NEDD4: variants seen among roughly 807,000 people sequenced by gnomAD.
NEDD4 encodes the protein E3 ubiquitin-protein ligase NEDD4.
Under a neutral mutation model 144.9 loss-of-function variants are expected in NEDD4, and 99 were observed. The ratio of observed to expected loss-of-function variants is 0.68; its 90% CI spans 0.58 to 0.81. The LOEUF is 0.81. Among genes scored for constraint, NEDD4 ranks in the 30% least tolerant of loss-of-function variants. The probability of loss-of-function intolerance (pLI) is 0.00; values close to 1 mark genes in which losing one functional copy is unlikely to be tolerated. For missense variants in NEDD4, 985 were observed against 1,065.9 expected (o/e 0.92, Z 1.06); for synonymous variants, 318 against 350.6 (o/e 0.91, Z 1.04).
At chr15:55,904,626 G>A (rs1184873432) in intron 5 of NEDD4, among the ~76,000 whole-genome samples, 1 of 152,026 alleles carries the variant, frequency 6.6e-6, no homozygotes, top group African/African-American at 2.4e-5. Context: ...ATTTTAAACA[G>A]GTTGATTCTC....
intron 4 of NEDD4, among the ~76,000 whole-genome samples, chr15:55,945,431 T>C (rs1027444649): frequency 6.6e-6 from 1 of 151,838 alleles, no homozygotes; most frequent in Admixed American, 6.6e-5. Context: ...AAGATGAAAT[T>C]AATGAAATAA....
chr15:55,878,297 C>T (rs2035064117), intron 5 of NEDD4, among the ~76,000 whole-genome samples: 1 of 151,962 alleles, frequency 6.6e-6, no homozygotes, highest in Non-Finnish European at 1.5e-5. Context: ...TAAAATATTA[C>T]TATAAGTCAA....
chr15:55,869,304 T>C (rs1310959877), intron 8 of NEDD4, among the ~76,000 whole-genome samples: 1 of 152,190 alleles, frequency 6.6e-6, no homozygotes, highest in Non-Finnish European at 1.5e-5. Flanking sequence ...TGTTCTTACT[T>C]TAATGGAGAA....
intron 1 of NEDD4, among the ~76,000 whole-genome samples, chr15:55,988,523 G>C (rs1434631475): frequency 7.2e-6 from 1 of 139,558 alleles, no homozygotes; most frequent in Non-Finnish European, 1.6e-5. Flanking sequence ...CTGAGGAAAT[G>C]TTACAGATTA....
At chr15:55,880,068 C>A (rs1162705702) in intron 5 of NEDD4, among the ~76,000 whole-genome samples, 1 of 152,036 alleles carries the variant, frequency 6.6e-6, no homozygotes, top group Non-Finnish European at 1.5e-5. Flanking sequence ...CCAAGGATGG[C>A]GGATCATGAG....
At chr15:55,838,990 A>G (rs1356725944) in intron 21 of NEDD4, among the ~76,000 whole-genome samples, 1 of 151,992 alleles carries the variant, frequency 6.6e-6, no homozygotes, top group African/African-American at 2.4e-5. Flanking sequence ...TCATATGCCT[A>G]TGTGACTTCG....
chr15:55,948,509 A>C (rs1268511726), intron 4 of NEDD4, among the ~76,000 whole-genome samples: 3 of 152,168 alleles, frequency 2.0e-5, no homozygotes, highest in Non-Finnish European at 2.9e-5. Context: ...AATCCTAAGC[A>C]AAAAGAACAA....
intron 5 of NEDD4, among the ~76,000 whole-genome samples, chr15:55,920,489 C>G (rs1326928352): frequency 6.6e-6 from 1 of 152,080 alleles, no homozygotes; most frequent in Non-Finnish European, 1.5e-5. Context: ...GCCACCACTA[C>G]CACCACCATC....
At chr15:55,853,286 G>A (rs1008099674) in intron 12 of NEDD4, among the ~76,000 whole-genome samples, 32 of 152,112 alleles carry the variant, frequency 2.1e-4, no homozygotes, top group African/African-American at 7.5e-4. Context: ...CAATAATAAT[G>A]AGAGTGATAA....
At chr15:55,874,830 C>G (rs1009660428) in intron 5 of NEDD4, among the ~76,000 whole-genome samples, 1 of 152,030 alleles carries the variant, frequency 6.6e-6, no homozygotes, top group Non-Finnish European at 1.5e-5. Flanking sequence ...AAAAATTAGC[C>G]AGGTGTGGTG....
intron 2 of NEDD4, among the ~76,000 whole-genome samples, chr15:55,956,128 TTA>T (rs1194713754): frequency 6.6e-6 from 1 of 152,176 alleles, no homozygotes; most frequent in Non-Finnish European, 1.5e-5. Flanking sequence ...TTTCTTTTTT[TTA>T]TGTTTTTAAT....
At chr15:55,845,921 G>A (rs933841211) in intron 18 of NEDD4, among the ~76,000 whole-genome samples, 1 of 151,808 alleles carries the variant, frequency 6.6e-6, no homozygotes, top group Non-Finnish European at 1.5e-5. Flanking sequence ...GAGTAGCCGG[G>A]ATTAAAGGTG....
intron 5 of NEDD4, among the ~76,000 whole-genome samples, chr15:55,906,785 AAAAT>A (rs2036114847): frequency 6.6e-6 from 1 of 152,188 alleles, no homozygotes; most frequent in Admixed American, 6.5e-5. Flanking sequence ...GTATAATTAA[AAAAT>A]AAATAAATAA....
Position 55,921,977 on chromosome 15 carries a change from T to C in NEDD4, c.291+2669A>G, listed in dbSNP as rs192724787. ...CAACATGCAAATAACGCAAATAAAATAGTTCACCAATAATACACTCAATGA... is the reference window on the plus strand; with the variant it reads ...CAACATGCAAATAACGCAAATAAAACAGTTCACCAATAATACACTCAATGA... On this transcript the variant is annotated intron_variant, in intron 5 of 28. Transcript: ENST00000435532. 3.3e-5 allele frequency among the ~76,000 whole-genome samples: 5 copies of C among 152,292 alleles called. No individual in the cohort carries two copies. The East Asian group carries it at 9.6e-4, about 29-fold the overall frequency.
intron 1 of NEDD4, among the ~76,000 whole-genome samples, chr15:55,972,209 G>A (rs2037622821): frequency 6.6e-6 from 1 of 152,096 alleles, no homozygotes; most frequent in African/African-American, 2.4e-5. Flanking sequence ...GTAAAAGTAA[G>A]TACACAGACA....
chr15:55,911,513 C>A (rs951313676), intron 5 of NEDD4, among the ~76,000 whole-genome samples: 1 of 152,006 alleles, frequency 6.6e-6, no homozygotes, highest in Non-Finnish European at 1.5e-5. Flanking sequence ...TTTAGCACAT[C>A]ACATATTAGA....
intron 4 of NEDD4, among the ~76,000 whole-genome samples, chr15:55,925,594 C>T (rs372464389): frequency 3.0e-4 from 46 of 152,102 alleles, no homozygotes; most frequent in African/African-American, 1.0e-3. Context: ...GGGAATGTTT[C>T]GATATCAAAA....
chr15:55,927,916 T>A (rs1230466753), intron 4 of NEDD4, among the ~76,000 whole-genome samples: 1 of 152,200 alleles, frequency 6.6e-6, no homozygotes, highest in East Asian at 1.9e-4. Flanking sequence ...TATCAAAATA[T>A]CTAGCAGACA....
chr15:55,850,419 A>G, intron 14 of NEDD4, 123 bp downstream of exon 14: 2 of 872,070 alleles, frequency 2.3e-6, no homozygotes, highest in South Asian at 3.4e-5. Flanking sequence ...AGAATTCAAT[A>G]TACCTTTCAA....
Sources: gnomAD v4.1 joint callset for allele counts (sites outside exome capture counted in the v4.1 genomes callset) on GRCh38, gnomAD v4.1.1 for gene constraint, MANE v1.5 for transcripts, NCBI Gene and HGNC (gene_info 2026-07-23, HGNC 2026-07-21) for gene names.